The following MSI2 variants were observed in gnomAD, a reference collection of about 807,000 sequenced individuals.
MSI2 encodes RNA-binding protein Musashi homolog 2.
MSI2 carries 17 observed loss-of-function variants against 45.6 expected under a neutral mutation model. The ratio of observed to expected loss-of-function variants is 0.37; its 90% CI spans 0.26 to 0.56. The LOEUF (loss-of-function observed/expected upper bound fraction) is 0.56. Among genes scored for constraint, MSI2 ranks in the 20% least tolerant of loss-of-function variants. MSI2 has a pLI of 0.77. For missense variants in MSI2, 293 were observed against 444.2 expected (o/e 0.66, Z 3.06); for synonymous variants, 156 against 158.2 (o/e 0.99, Z 0.11).
At chr17:57,472,154 C>T (rs1167949927) in intron 6 of MSI2, among the ~76,000 whole-genome samples, 1 of 152,090 alleles carries the variant, frequency 6.6e-6, no homozygotes, top group East Asian at 1.9e-4. Context: ...AGGTTGAGAG[C>T]CGAAATAATG....
chr17:57,700,918 T>C, the MSI2 span, among the ~76,000 whole-genome samples: 1 of 147,592 alleles, frequency 6.8e-6, no homozygotes, highest in Non-Finnish European at 1.5e-5. Context: ...AAAAAAAAAA[T>C]TTAATAATGT....
chr17:57,596,617 G>A lies in MSI2; in HGVS notation c.455-251G>A, dbSNP rs1905267488. 1.3e-5 allele frequency among the ~76,000 whole-genome samples: 2 copies of A among 152,166 alleles called. No homozygotes were observed. Among genetic ancestry groups the A allele is most frequent in the Non-Finnish European group, 2.9e-5 (2 of 68,036 alleles). On this transcript the variant is annotated intron_variant, in intron 7 of 13. Coordinates refer to ENST00000284073, the MANE Select transcript of MSI2 (RefSeq NM_138962.4). This position sits in a 1 kb window ranked among gnomAD's most constrained non-coding sequence, Gnocchi z 4.6. Reference sequence around the variant, plus strand: ...GACAAGTAAATTTCTTGTTTGCTTCGGGGCAAATGTAAACCACACAGTGCC... The same window carrying A: ...GACAAGTAAATTTCTTGTTTGCTTCAGGGCAAATGTAAACCACACAGTGCC...
At chr17:57,575,308 T>C (rs1376377513) in intron 7 of MSI2, among the ~76,000 whole-genome samples, 1 of 152,094 alleles carries the variant, frequency 6.6e-6, no homozygotes, top group Non-Finnish European at 1.5e-5. Context: ...TCATTTGCCC[T>C]AGATGCTCAA....
intron 8 of MSI2, among the ~76,000 whole-genome samples, chr17:57,613,226 C>G (rs1907340125): frequency 6.6e-6 from 1 of 152,172 alleles, no homozygotes; most frequent in Non-Finnish European, 1.5e-5. Flanking sequence ...GATTCTAAGA[C>G]AACTTTAGTA....
At chr17:57,388,974 TC>T (rs1235184036) in intron 5 of MSI2, among the ~76,000 whole-genome samples, 11 of 137,546 alleles carry the variant, frequency 8.0e-5, no homozygotes, top group South Asian at 2.3e-4. Flanking sequence ...TTCTTCTTCT[TC>T]TTCTTCTTTT....
intron 6 of MSI2, among the ~76,000 whole-genome samples, chr17:57,508,366 C>T (rs1318717444): frequency 2.0e-5 from 3 of 152,196 alleles, no homozygotes; most frequent in East Asian, 1.9e-4. Context: ...CACTGACAGC[C>T]CTTTCTTTCC....
chr17:57,475,539 G>C (rs2085520857), intron 6 of MSI2, among the ~76,000 whole-genome samples: 1 of 152,094 alleles, frequency 6.6e-6, no homozygotes, highest in African/African-American at 2.4e-5. Context: ...AAAACCTGAA[G>C]ACATTTTTTT....
intron 10 of MSI2, among the ~76,000 whole-genome samples, chr17:57,636,238 G>A (rs917770218): frequency 1.3e-5 from 2 of 152,214 alleles, no homozygotes; most frequent in Non-Finnish European, 2.9e-5. Flanking sequence ...AGGAGCTGGC[G>A]TTAGCAAGGT....
chr17:57,446,016 C>G (rs997577833), intron 6 of MSI2, among the ~76,000 whole-genome samples: 1 of 152,094 alleles, frequency 6.6e-6, no homozygotes, highest in African/African-American at 2.4e-5. Context: ...GCTCTTTGCT[C>G]TCATGAAGTT....
chr17:57,514,856 C>G (rs949565611), intron 6 of MSI2, among the ~76,000 whole-genome samples: 1 of 151,980 alleles, frequency 6.6e-6, no homozygotes, highest in South Asian at 2.1e-4. Context: ...GAAGGAATGC[C>G]GAGTCCTCAA....
At chr17:57,433,978 T>A (rs2084646748) in intron 6 of MSI2, among the ~76,000 whole-genome samples, 1 of 152,242 alleles carries the variant, frequency 6.6e-6, no homozygotes. Context: ...TGGTTTATAT[T>A]TATGGGGTAC....
intron 7 of MSI2, among the ~76,000 whole-genome samples, chr17:57,563,941 C>T (rs1290127651): frequency 6.6e-6 from 1 of 152,182 alleles, no homozygotes; most frequent in Non-Finnish European, 1.5e-5. Context: ...ACACGCTCTG[C>T]TGAACAGCCC....
At chr17:57,691,835 G>T in the MSI2 span, among the ~76,000 whole-genome samples, 1 of 151,824 alleles carries the variant, frequency 6.6e-6, no homozygotes, top group African/African-American at 2.4e-5. Flanking sequence ...TATTTTTCTT[G>T]CCTTATTCAC....
At position 57,389,393 on chromosome 17, in the gene MSI2, T is replaced by C. The variant is rs923576898; in HGVS notation, c.313-11986T>C. 2.7e-4 allele frequency among the ~76,000 whole-genome samples: 41 copies of C among 152,300 alleles called. 1 individual carries two copies. The highest frequency in any genetic ancestry group is 2.4e-4 in the Non-Finnish European group (16 of 68,020). On this transcript the variant is annotated intron_variant, in intron 5 of 13. Coordinates refer to ENST00000284073, the MANE Select transcript of MSI2 (RefSeq NM_138962.4). Reference sequence around the variant, plus strand: ...CCTCCTTGCATCCCACAATGTCTTATGCTGCAGTCTTTTGGGACCACTAAC... The same window carrying C: ...CCTCCTTGCATCCCACAATGTCTTACGCTGCAGTCTTTTGGGACCACTAAC...
At chr17:57,647,762 C>T (rs143613113) in intron 10 of MSI2, among the ~76,000 whole-genome samples, 97 of 150,630 alleles carry the variant, frequency 6.4e-4, no homozygotes, top group Admixed American at 1.1e-3. Context: ...CTCGTGCCTC[C>T]GCCTCCCAAG....
At chr17:57,337,619 TG>T (rs1450940140) in intron 5 of MSI2, among the ~76,000 whole-genome samples, 1 of 152,160 alleles carries the variant, frequency 6.6e-6, no homozygotes, top group Non-Finnish European at 1.5e-5. Context: ...GCGCTGCTCT[TG>T]GCACCACGGT....
chr17:57,301,501 C>G (rs946830017), intron 5 of MSI2, among the ~76,000 whole-genome samples: 5 of 152,254 alleles, frequency 3.3e-5, no homozygotes, highest in Admixed American at 3.3e-4. Context: ...ACCTTTGATA[C>G]CCCTGGGTGT....
At chr17:57,293,400 C>G (rs1342021101) in intron 5 of MSI2, among the ~76,000 whole-genome samples, 1 of 152,152 alleles carries the variant, frequency 6.6e-6, no homozygotes, top group Admixed American at 6.5e-5. Flanking sequence ...CTCTGAACGC[C>G]TGAGCACTGC....
In MSI2 at chr17:57,401,365, G is replaced by A. The variant is rs747323818; in HGVS notation, c.313-14G>A. ...CCTGGTTAACCCATGCCTTTCTCTT[G>A]TCATTTCTTGCAGATGGTCACAAGA... On this transcript the variant is annotated splice_polypyrimidine_tract_variant and intron_variant, in intron 5 of 13. Coordinates refer to ENST00000284073, the MANE Select transcript of MSI2 (RefSeq NM_138962.4). 6.2e-7 allele frequency: 1 copy of A among 1,610,906 alleles called. No individual in the cohort carries two copies. Among genetic ancestry groups the A allele is most frequent in the Admixed American group, 1.7e-5 (1 of 59,996 alleles).
Sources: gnomAD v4.1 joint callset for allele counts (sites outside exome capture counted in the v4.1 genomes callset) on GRCh38, gnomAD v4.1.1 for gene constraint, Gnocchi (gnomAD v3.1) non-coding constraint, MANE v1.5 for transcripts, NCBI Gene and HGNC (gene_info 2026-07-23, HGNC 2026-07-21) for gene names.